Variants in CCN6 observed in about 807,000 individuals in gnomAD.
CCN6 encodes CCN family member 6.
CCN6 carries 31 observed loss-of-function variants against 37.4 expected under a neutral mutation model. That is an observed-to-expected ratio of 0.83 (90% CI 0.62 to 1.12). CCN6 has a LOEUF of 1.12. Among genes scored for constraint, CCN6 ranks in the 50% most tolerant of loss-of-function variants. The pLI is 0.00. For synonymous variants in CCN6, 137 were observed against 142.1 expected, an observed-to-expected ratio of 0.96 and a Z score of 0.26; for missense variants, 369 against 413.8, an observed-to-expected ratio of 0.89 and a Z score of 0.94.
chr6:112,066,939 G>A (rs782013505), intron 3 of CCN6: 9 of 1,355,954 alleles, frequency 6.6e-6, no homozygotes, highest in Non-Finnish European at 8.9e-6. Flanking sequence ...CTGGTAACAC[G>A]GTAATCTAAC....
intron 3 of CCN6, 58 bp downstream of exon 3, chr6:112,065,055 C>T: frequency 6.2e-7 from 1 of 1,610,508 alleles, no homozygotes; most frequent in Non-Finnish European, 8.5e-7. Context: ...CTTCATGTTC[C>T]TTTTACGTAT....
At chr6:112,065,091 G>A (rs1776640766) in intron 3 of CCN6, 94 bp downstream of exon 3, 1 of 1,580,854 alleles carries the variant, frequency 6.3e-7, no homozygotes, top group Non-Finnish European at 8.6e-7. Flanking sequence ...AGTACTTGTT[G>A]ATTGGTGGTC....
intron 1 of CCN6, among the ~76,000 whole-genome samples, chr6:112,056,181 T>C (rs1222503200): frequency 6.6e-6 from 1 of 152,188 alleles, no homozygotes; most frequent in Non-Finnish European, 1.5e-5. Flanking sequence ...GCCTCTTCAT[T>C]TCTTCCTGTA....
intron 4 of CCN6, 72 bp from the exon 5 acceptor site, chr6:112,069,267 A>G: frequency 6.6e-7 from 1 of 1,521,972 alleles, no homozygotes; most frequent in Non-Finnish European, 8.9e-7. Flanking sequence ...TTGTACTATA[A>G]ACTATTCTAC....
At position 112,068,269 on chromosome 6, in the gene CCN6, C is replaced by T. The variant is rs782168624; in HGVS notation, c.654C>T (p.Pro218=). ...TTGTGCAAGCAACAAAATGGACTCCCTGCTCCAGAACATGTGGGATGGGAA... is the reference window on the plus strand; with the variant it reads ...TTGTGCAAGCAACAAAATGGACTCCTTGCTCCAGAACATGTGGGATGGGAA... ...KCLVQATKWT[P]CSRTCGMGIS... Residue 218 remains proline (P), a synonymous_variant, in exon 4 of 5, where the codon CCC becomes CCT. Transcript: ENST00000368666. 26 of 1,611,674 alleles carry T rather than the reference C, an allele frequency of 1.6e-5. No homozygotes were observed. Among genetic ancestry groups the T allele is most frequent in the Non-Finnish European group, 2.0e-5 (24 of 1,179,294 alleles).
intron 3 of CCN6, among the ~76,000 whole-genome samples, chr6:112,065,873 T>C (rs1381151366): frequency 6.6e-6 from 1 of 152,176 alleles, no homozygotes; most frequent in African/African-American, 2.4e-5. Context: ...AAATAAAGTA[T>C]AGAGGAGGAG....
chr6:112,061,093 C>T lies in CCN6; in HGVS notation c.151C>T (p.Pro51Ser), dbSNP rs1554312736. 1 of 1,614,144 alleles carries T rather than the reference C, an allele frequency of 6.2e-7. No individual in the cohort carries two copies. Among genetic ancestry groups the T allele is most frequent in the Admixed American group, 1.7e-5 (1 of 60,012 alleles). Residue 51 changes from proline to serine, a missense_variant, in exon 2 of 5, where the codon CCC (proline) becomes TCC (serine). Pro to Ser is a moderately conservative substitution (Grantham distance 74, BLOSUM62 -1). Transcript: ENST00000368666. ...APQRKQFCHW[P>S]CKCPQQKPRC... ...TCAGCGTAAACAGTTTTGTCACTGG[C>T]CCTGCAAATGCCCTCAGCAGAAGCC...
chr6:112,063,429 T>TATA (rs1209792275), intron 2 of CCN6, among the ~76,000 whole-genome samples: 3 of 152,252 alleles, frequency 2.0e-5, no homozygotes, highest in Non-Finnish European at 2.9e-5. Context: ...TTTACTCATG[T>TATA]ATAATTTTGC....
chr6:112,066,016 T>A (rs1337796311), intron 3 of CCN6, among the ~76,000 whole-genome samples: 1 of 152,190 alleles, frequency 6.6e-6, no homozygotes, highest in East Asian at 1.9e-4. Context: ...AATACTTGAA[T>A]ATGTTAACAA....
rs1554313590 is a variant in CCN6 at position 112,064,864 on chromosome 6, C to T, written c.456C>T (p.Cys152=). Residue 152 remains cysteine, a synonymous_variant, in exon 3 of 5, where the codon TGC becomes TGT. Transcript: ENST00000368666. ...TCTGTGTGAGTGGGGCCATTGGATG[C>T]ACACCTCTGTTCATACCAAAGCTGG... ...SCLCVSGAIG[C]TPLFIPKLAG... The T allele has an allele frequency of 6.2e-7, 1 of 1,614,112 alleles. No homozygotes were observed.
intron 2 of CCN6, 74 bp from the exon 3 acceptor site, chr6:112,064,681 T>C: frequency 6.2e-7 from 1 of 1,606,818 alleles, no homozygotes; most frequent in Non-Finnish European, 8.5e-7. Flanking sequence ...CGTTTCTTCT[T>C]AGGTTTATAA....
chr6:112,053,303 T>C (rs1321544486), upstream of CCN6, among the ~76,000 whole-genome samples: 1 of 151,496 alleles, frequency 6.6e-6, no homozygotes, highest in South Asian at 2.1e-4. Context: ...TTTAATCTTT[T>C]TTTTTTTTTT....
At position 112,061,043 on chromosome 6, in the gene CCN6, G is replaced by A. The variant is rs267600763; in HGVS notation, c.101G>A (p.Arg34Lys). ...CCATTAGATACAACACCTGAAGGAAGGCCTGGAGAAGTGTCAGATGCACCT... is the reference window on the plus strand; with the variant it reads ...CCATTAGATACAACACCTGAAGGAAAGCCTGGAGAAGTGTCAGATGCACCT... ...TGPLDTTPEGRPGEVSDAPQR... is the reference protein window; with the variant it reads ...TGPLDTTPEGKPGEVSDAPQR... Residue 34 changes from arginine (R) to lysine (K), a missense_variant, in exon 2 of 5, where the codon AGG becomes AAG. Arg to Lys is a conservative substitution (Grantham distance 26). Transcript: ENST00000368666. The A allele has an allele frequency of 6.2e-7, 1 of 1,614,166 alleles. No individual in the cohort carries two copies. The highest frequency in any genetic ancestry group is 2.2e-5 in the East Asian group (1 of 44,888).
chr6:112,054,716 G>A, intron 1 of CCN6: 1 of 370,112 alleles, frequency 2.7e-6, no homozygotes, highest in South Asian at 2.4e-5. Flanking sequence ...GCCTGGCACA[G>A]TGCGGGAAAC....
chr6:112,054,104 A>AT lies in CCN6; in HGVS notation c.-252dup. On this transcript the variant is annotated 5_prime_UTR_variant, in exon 1 of 5. Coordinates refer to ENST00000368666, the MANE Select transcript of CCN6 (RefSeq NM_198239.2). Reference sequence around the variant, plus strand: ...AGTCCCGGGAGGAAAGTGCTCGCCCATTCCTGACCTGTGACACGCTCACTG... The same window carrying AT: ...AGTCCCGGGAGGAAAGTGCTCGCCCATTTCCTGACCTGTGACACGCTCACTG... 1.5e-6 allele frequency: 1 copy of AT among 649,352 alleles called. No individual in the cohort carries two copies. 40.2% of individuals were successfully genotyped at this position (649,352 alleles called of 1,614,324 possible).
chr6:112,053,174 C>T (rs1041496911), upstream of CCN6, among the ~76,000 whole-genome samples: 30 of 152,216 alleles, frequency 2.0e-4, no homozygotes, highest in African/African-American at 7.2e-4. Flanking sequence ...CAGACCCAGG[C>T]TGAGAACATG....
At chr6:112,066,715 A>G (rs1394746604) in intron 3 of CCN6, among the ~76,000 whole-genome samples, 1 of 152,236 alleles carries the variant, frequency 6.6e-6, no homozygotes, top group East Asian at 1.9e-4. Flanking sequence ...TATTTGTGAC[A>G]GTAATTTATA....
intron 1 of CCN6, among the ~76,000 whole-genome samples, chr6:112,059,497 C>T (rs1776446020): frequency 6.6e-6 from 1 of 152,162 alleles, no homozygotes; most frequent in Admixed American, 6.5e-5. Context: ...TCTGCTTCTG[C>T]CATCACATCT....
rs372990864 is a variant in CCN6 at position 112,061,018 on chromosome 6, C to G, written c.76C>G (p.Pro26Ala). Residue 26 changes from proline (P) to alanine (A), a missense_variant, in exon 2 of 5, where the codon CCA (proline) becomes GCA (alanine). Coordinates refer to ENST00000368666, the MANE Select transcript of CCN6 (RefSeq NM_198239.2). ...CTGCTGCAGGGTACAGGGCACTGGA[C>G]CATTAGATACAACACCTGAAGGAAG... ...QFCCRVQGTG[P>A]LDTTPEGRPG... 6.0e-5 allele frequency: 97 copies of G among 1,614,014 alleles called. No individual in the cohort carries two copies. The highest frequency in any genetic ancestry group is 7.5e-5 in the Non-Finnish European group (88 of 1,180,030).
Sources: gnomAD v4.1 joint callset for allele counts (sites outside exome capture counted in the v4.1 genomes callset) on GRCh38, gnomAD v4.1.1 for gene constraint, MANE v1.5 for transcripts, NCBI Gene and HGNC (gene_info 2026-07-23, HGNC 2026-07-21) for gene names.